The following ARAP2 variants were observed in gnomAD, a reference collection of about 807,000 sequenced individuals.
ARAP2 encodes the protein ArfGAP with RhoGAP domain, ankyrin repeat and PH domain 2, also known as arf-GAP with Rho-GAP domain, ANK repeat and PH domain-containing protein 2.
In ARAP2, 148 loss-of-function variants were observed where a neutral mutation model predicts 194.5. The ratio of observed to expected loss-of-function variants is 0.76; its 90% CI spans 0.67 to 0.87. The LOEUF is 0.87. ARAP2 is among the 40% of genes least tolerant of loss of function. ARAP2 has a pLI of 0.00. For missense variants in ARAP2, 2,128 were observed against 1,989.7 expected, an observed-to-expected ratio of 1.07 and a Z score of -1.32; for synonymous variants, 695 against 683.5, an observed-to-expected ratio of 1.02 and a Z score of -0.26.
At chr4:36,170,281 T>G (rs905644587) in intron 9 of ARAP2, among the ~76,000 whole-genome samples, 1 of 152,230 alleles carries the variant, frequency 6.6e-6, no homozygotes, top group African/African-American at 2.4e-5. Flanking sequence ...AATATGTAAC[T>G]ATCAAGACAT....
At chr4:36,071,692 A>T (rs1280861949) in intron 32 of ARAP2, among the ~76,000 whole-genome samples, 22 of 31,854 alleles carry the variant, frequency 6.9e-4, no homozygotes, top group African/African-American at 1.5e-3. Context: ...GTTTTTTTTT[A>T]ATTTTTTTTC....
chr4:36,078,769 A>G (rs1249194990), intron 31 of ARAP2, among the ~76,000 whole-genome samples: 1 of 152,148 alleles, frequency 6.6e-6, no homozygotes, highest in Non-Finnish European at 1.5e-5. Context: ...CAATTATAAA[A>G]ACAAAAACAT....
intron 13 of ARAP2, chr4:36,160,063 C>A (rs1301867625): frequency 5.1e-6 from 5 of 977,658 alleles, no homozygotes; most frequent in Admixed American, 1.2e-4. Context: ...TGTTATATAT[C>A]ATCTTTGTAC....
At position 36,187,450 on chromosome 4, in the gene ARAP2, CCTT is replaced by C. The variant is rs762669886; in HGVS notation, c.1676_1678del (p.Glu561del). The stretch of plus-strand genomic sequence containing the variant: ...TCATATGGATAAATAAATAATCTCA[CCTT>C]CTTTTTCTACTCTAAAAACAAAAGT... On this transcript the variant is annotated inframe_deletion and splice_region_variant, in exon 8 of 33. Coordinates refer to ENST00000303965, the MANE Select transcript of ARAP2 (RefSeq NM_015230.4). 5 of 1,390,334 alleles carry C rather than the reference CCTT, an allele frequency of 3.6e-6. No individual in the cohort carries two copies. The highest frequency in any genetic ancestry group is 1.5e-5 in the African/African-American group (1 of 68,388). 86.1% of individuals were successfully genotyped at this position (1,390,334 alleles called of 1,614,324 possible).
chr4:36,017,564 T>TAAGAAAAAAA (rs1716065196), intron 6 of ARAP2, among the ~76,000 whole-genome samples: 1 of 42,578 alleles, frequency 2.3e-5, no homozygotes, highest in African/African-American at 1.2e-4. Context: ...AAGAAAGTGG[T>TAAGAAAAAAA]AAAAAAAAAA....
At chr4:36,190,832 T>C (rs1741716215) in intron 7 of ARAP2, among the ~76,000 whole-genome samples, 1 of 152,172 alleles carries the variant, frequency 6.6e-6, no homozygotes, top group South Asian at 2.1e-4. Flanking sequence ...TTTCCCATAG[T>C]GTATACTCAG....
chr4:36,184,591 G>A (rs985160663), intron 8 of ARAP2, among the ~76,000 whole-genome samples: 1 of 152,186 alleles, frequency 6.6e-6, no homozygotes, highest in Non-Finnish European at 1.5e-5. Flanking sequence ...AACATGTGTG[G>A]ATTGGTACAC....
intron 14 of ARAP2, 22 bp downstream of exon 14, chr4:36,159,309 T>G: frequency 1.9e-6 from 3 of 1,572,528 alleles, no homozygotes; most frequent in Non-Finnish European, 2.6e-6. Flanking sequence ...GAGACCAGGT[T>G]AATGAAGAGA....
At chr4:36,094,115 T>C (rs1419915176) in intron 27 of ARAP2, among the ~76,000 whole-genome samples, 3 of 152,188 alleles carry the variant, frequency 2.0e-5, no homozygotes, top group Non-Finnish European at 4.4e-5. Context: ...ATTGGCAAAT[T>C]ATGGCTGCAG....
chr4:36,020,891 A>G (rs1716817260), intron 5 of ARAP2, among the ~76,000 whole-genome samples: 1 of 152,224 alleles, frequency 6.6e-6, no homozygotes, highest in African/African-American at 2.4e-5. Context: ...AGTTTGGAAT[A>G]GTGAATGATT....
intron 9 of ARAP2, among the ~76,000 whole-genome samples, chr4:36,177,529 T>C (rs560931488): frequency 6.6e-6 from 1 of 152,308 alleles, no homozygotes; most frequent in South Asian, 2.1e-4. Context: ...TGTTCTCTCA[T>C]GTAGTCGTAC....
At chr4:36,232,776 A>G (rs554301601) in intron 1 of ARAP2, among the ~76,000 whole-genome samples, 2 of 152,348 alleles carry the variant, frequency 1.3e-5, no homozygotes, top group South Asian at 2.1e-4. Flanking sequence ...TATAATTTCT[A>G]TACCAGAGCT....
intron 1 of ARAP2, among the ~76,000 whole-genome samples, chr4:36,231,418 T>C (rs1216234153): frequency 6.6e-6 from 1 of 152,112 alleles, no homozygotes; most frequent in Non-Finnish European, 1.5e-5. Context: ...AATTCTCAGA[T>C]AAGCCACTCT....
chr4:36,042,586 G>A (rs1721047764), intron 5 of ARAP2, among the ~76,000 whole-genome samples: 2 of 152,032 alleles, frequency 1.3e-5, no homozygotes, highest in South Asian at 4.2e-4. Flanking sequence ...ACTTTATAAT[G>A]TCTTTCTTTT....
chr4:36,176,772 TCTC>T (rs1209399498), intron 9 of ARAP2, among the ~76,000 whole-genome samples: 14 of 152,144 alleles, frequency 9.2e-5, no homozygotes, highest in African/African-American at 3.4e-4. Context: ...TAAGACATCT[TCTC>T]CTCCAAAATA....
intron 6 of ARAP2, among the ~76,000 whole-genome samples, chr4:36,199,036 C>T (rs981617730): frequency 2.6e-5 from 4 of 152,232 alleles, no homozygotes; most frequent in Admixed American, 6.5e-5. Flanking sequence ...GCAACTACAG[C>T]TGCACCCGAG....
intron 7 of ARAP2, chr4:36,015,764 G>C (rs536017833): frequency 1.3e-5 from 2 of 152,284 alleles, no homozygotes; most frequent in East Asian, 3.9e-4. Flanking sequence ...ACCTCTTGAA[G>C]TGAGAAGCTA....
intron 5 of ARAP2, among the ~76,000 whole-genome samples, chr4:36,041,287 A>G (rs1201282839): frequency 6.6e-6 from 1 of 152,196 alleles, no homozygotes; most frequent in East Asian, 1.9e-4. Context: ...GCATCTGACA[A>G]AAGTCTAATA....
chr4:36,026,269 C>T (rs1717886019), intron 5 of ARAP2, among the ~76,000 whole-genome samples: 1 of 152,134 alleles, frequency 6.6e-6, no homozygotes, highest in Non-Finnish European at 1.5e-5. Context: ...CTGTCAGACA[C>T]CTTAGAAATT....
Sources: gnomAD v4.1 joint callset for allele counts (sites outside exome capture counted in the v4.1 genomes callset) on GRCh38, gnomAD v4.1.1 for gene constraint, MANE v1.5 for transcripts, NCBI Gene and HGNC (gene_info 2026-07-23, HGNC 2026-07-21) for gene names.